CNBD1: variants seen among roughly 807,000 people sequenced by gnomAD.
CNBD1 encodes the protein cyclic nucleotide binding domain containing 1.
A neutral mutation model predicts 54.4 loss-of-function variants in CNBD1; 71 were observed. The observed-to-expected ratio is 1.30, with a 90% confidence interval of 1.08 to 1.59. The LOEUF is 1.59. CNBD1 is among the 40% of genes most tolerant of loss of function. The pLI, the probability that CNBD1 is intolerant of heterozygous loss-of-function variation, is 0.00. For missense variants in CNBD1, 659 were observed against 518.0 expected (o/e 1.27, Z -2.64); for synonymous variants, 182 against 170.7 (o/e 1.07, Z -0.51).
chr8:87,354,063 G>A (rs888464024), intron 10 of CNBD1, among the ~76,000 whole-genome samples: 7 of 152,026 alleles, frequency 4.6e-5, no homozygotes, highest in African/African-American at 1.7e-4. Context: ...GGCTGCCTGA[G>A]GCTTGGTCTC....
At chr8:86,957,685 T>C (rs1279754977) in intron 4 of CNBD1, among the ~76,000 whole-genome samples, 1 of 152,220 alleles carries the variant, frequency 6.6e-6, no homozygotes, top group East Asian at 1.9e-4. Flanking sequence ...ATCCCCTTTA[T>C]CATTTTTTAT....
intron 6 of CNBD1, among the ~76,000 whole-genome samples, chr8:87,258,965 C>A (rs1586370326): frequency 1.3e-5 from 2 of 152,160 alleles, no homozygotes; most frequent in African/African-American, 4.8e-5. Flanking sequence ...TTAAAACAAT[C>A]CTTTAACCTA....
At chr8:87,266,293 T>G (rs1157884814) in intron 6 of CNBD1, among the ~76,000 whole-genome samples, 1 of 151,590 alleles carries the variant, frequency 6.6e-6, no homozygotes, top group East Asian at 1.9e-4. Flanking sequence ...AAGAAGATAC[T>G]TGGGAAAGAG....
intron 4 of CNBD1, among the ~76,000 whole-genome samples, chr8:87,153,066 G>A (rs1193173133): frequency 6.6e-6 from 1 of 152,144 alleles, no homozygotes; most frequent in Non-Finnish European, 1.5e-5. Context: ...AAAAACAGTG[G>A]TAATGTGGCT....
chr8:86,962,172 G>T (rs773546032), intron 4 of CNBD1, among the ~76,000 whole-genome samples: 1 of 152,156 alleles, frequency 6.6e-6, no homozygotes, highest in Non-Finnish European at 1.5e-5. Context: ...GACTTCAGAG[G>T]TTATCTTGGG....
intron 2 of CNBD1, chr8:87,428,499 A>G (rs1808088230): frequency 9.1e-6 from 3 of 328,998 alleles, no homozygotes; most frequent in Non-Finnish European, 1.8e-5. Flanking sequence ...TTTTATGAAG[A>G]TTATTTTTTT....
intron 4 of CNBD1, among the ~76,000 whole-genome samples, chr8:87,152,366 A>G (rs779424110): frequency 3.3e-5 from 5 of 151,514 alleles, no homozygotes; most frequent in Admixed American, 6.6e-5. Flanking sequence ...TTTGGCTTTT[A>G]TGGGCCACAT....
chr8:87,160,789 C>T (rs917983961), intron 4 of CNBD1, among the ~76,000 whole-genome samples: 1 of 151,914 alleles, frequency 6.6e-6, no homozygotes, highest in African/African-American at 2.4e-5. Flanking sequence ...ACAGAAAATA[C>T]CATAACCAGA....
chr8:87,190,204 C>A (rs1218313088), intron 4 of CNBD1, among the ~76,000 whole-genome samples: 3 of 152,094 alleles, frequency 2.0e-5, no homozygotes, highest in East Asian at 3.9e-4. Flanking sequence ...TTTAGCTGTA[C>A]AATTTCTGAA....
At chr8:86,947,463 T>C (rs1050009510) in intron 4 of CNBD1, among the ~76,000 whole-genome samples, 2 of 152,098 alleles carry the variant, frequency 1.3e-5, no homozygotes, top group African/African-American at 4.8e-5. Flanking sequence ...TAAATGTTCT[T>C]TCTTCTTCAT....
At chr8:86,867,119 T>C (rs774016101) in intron 1 of CNBD1, among the ~76,000 whole-genome samples, 5 of 152,212 alleles carry the variant, frequency 3.3e-5, no homozygotes, top group Non-Finnish European at 7.4e-5. Flanking sequence ...GAACTAGATA[T>C]TTCAAAGTTT....
intron 4 of CNBD1, among the ~76,000 whole-genome samples, chr8:87,095,848 G>A (rs1418261441): frequency 5.9e-5 from 9 of 151,976 alleles, no homozygotes; most frequent in African/African-American, 1.4e-4. Context: ...TAGTAGAGAC[G>A]GGGGTCTCAC....
intron 8 of CNBD1, among the ~76,000 whole-genome samples, chr8:87,327,338 C>G (rs554584075): frequency 4.3e-4 from 64 of 150,372 alleles, no homozygotes; most frequent in African/African-American, 1.4e-3. Flanking sequence ...CCACCCAGTT[C>G]GAGCTTCCCG....
chr8:86,914,081 T>C (rs1021213044), intron 3 of CNBD1, among the ~76,000 whole-genome samples: 4 of 152,190 alleles, frequency 2.6e-5, no homozygotes, highest in South Asian at 2.1e-4. Context: ...ATCGCTGTTA[T>C]CCTGTTCTTA....
chr8:86,930,078 CT>C (rs1260162036), intron 3 of CNBD1, among the ~76,000 whole-genome samples: 3 of 152,168 alleles, frequency 2.0e-5, no homozygotes, highest in African/African-American at 7.2e-5. Context: ...AGTATTTGCC[CT>C]CTGGGTCTCC....
At chr8:87,414,834 C>T (rs987849495) in intron 2 of CNBD1, among the ~76,000 whole-genome samples, 3 of 151,892 alleles carry the variant, frequency 2.0e-5, no homozygotes, top group African/African-American at 7.3e-5. Flanking sequence ...TGCTATTTTG[C>T]AAGCTGCTTG....
chr8:86,913,255 T>A (rs1252993533), intron 3 of CNBD1, among the ~76,000 whole-genome samples: 1 of 152,188 alleles, frequency 6.6e-6, no homozygotes. Context: ...CCAGAGCAAC[T>A]TCCACTACTG....
chr8:86,957,697 G>T (rs939748829), intron 4 of CNBD1, among the ~76,000 whole-genome samples: 1 of 151,978 alleles, frequency 6.6e-6, no homozygotes, highest in Non-Finnish European at 1.5e-5. Context: ...ATTTTTTATT[G>T]CAGCTATTTG....
At chr8:87,205,150 A>G (rs903197336) in intron 4 of CNBD1, among the ~76,000 whole-genome samples, 5 of 152,094 alleles carry the variant, frequency 3.3e-5, no homozygotes, top group African/African-American at 1.2e-4. Flanking sequence ...TTATGATGCT[A>G]AATTGGTTTT....
Sources: allele counts gnomAD v4.1 joint callset (sites outside exome capture counted in the v4.1 genomes callset), GRCh38; gene constraint gnomAD v4.1.1; transcripts MANE v1.5; gene names NCBI Gene and HGNC (gene_info 2026-07-23, HGNC 2026-07-21).